MARCHF8: variants seen among roughly 807,000 people sequenced by gnomAD.
MARCHF8 encodes the protein E3 ubiquitin-protein ligase MARCHF8.
MARCHF8 carries 40 observed loss-of-function variants against 51.6 expected under a neutral mutation model. That is an observed-to-expected ratio of 0.77 (90% CI 0.60 to 1.01). MARCHF8 has a LOEUF of 1.01. MARCHF8 is among the 50% of genes least tolerant of loss of function. MARCHF8 has a pLI of 0.00. For synonymous variants in MARCHF8, 263 were observed against 280.3 expected (o/e 0.94, Z 0.62); for missense variants, 685 against 708.6 (o/e 0.97, Z 0.38).
intron 3 of MARCHF8, among the ~76,000 whole-genome samples, chr10:45,479,632 CTT>C (rs1180586933): frequency 6.6e-6 from 1 of 152,172 alleles, no homozygotes; most frequent in Non-Finnish European, 1.5e-5. Flanking sequence ...AGGGAAGCCC[CTT>C]TCACTTGGTT....
chr10:45,589,580 C>T (rs1589198824), intron 1 of MARCHF8, among the ~76,000 whole-genome samples: 1 of 152,286 alleles, frequency 6.6e-6, no homozygotes, highest in Non-Finnish European at 1.5e-5. Flanking sequence ...CACCCCCTAC[C>T]CCAACACCAG....
upstream of MARCHF8, among the ~76,000 whole-genome samples, chr10:45,538,405 C>A (rs901382588): frequency 6.6e-6 from 1 of 152,210 alleles, no homozygotes; most frequent in Non-Finnish European, 1.5e-5. Context: ...GAAACTACAT[C>A]AACTAACGTG....
upstream of MARCHF8, among the ~76,000 whole-genome samples, chr10:45,538,236 G>A (rs2044001698): frequency 6.6e-6 from 1 of 152,162 alleles, no homozygotes; most frequent in Non-Finnish European, 1.5e-5. Flanking sequence ...AAGTGAAGGA[G>A]AAATAAAATC....
chr10:45,552,257 T>C (rs535114996), intron 1 of MARCHF8, among the ~76,000 whole-genome samples: 2 of 151,902 alleles, frequency 1.3e-5, no homozygotes, highest in Non-Finnish European at 2.9e-5. Flanking sequence ...GTGGTTAATG[T>C]CTATTAAAAA....
intron 2 of MARCHF8, among the ~76,000 whole-genome samples, chr10:45,507,857 G>A (rs887001824): frequency 6.6e-6 from 1 of 150,860 alleles, no homozygotes; most frequent in Admixed American, 6.6e-5. Context: ...AGTTCCTGTA[G>A]TATCAAATAT....
chr10:45,586,303 A>C (rs1377674422), intron 1 of MARCHF8, among the ~76,000 whole-genome samples: 1 of 152,080 alleles, frequency 6.6e-6, no homozygotes, highest in East Asian at 1.9e-4. Flanking sequence ...CATCAATCAA[A>C]TCATACAGAA....
chr10:45,459,090 T>C (rs759577311), intron 7 of MARCHF8, 30 bp downstream of exon 7: 4 of 1,613,216 alleles, frequency 2.5e-6, no homozygotes, highest in South Asian at 2.2e-5. Context: ...CCGGCCCCCA[T>C]GCTGAGCTTG....
rs144922422 is a variant in MARCHF8 at position 45,555,447 on chromosome 10, C to T, written c.-78-22158G>A. Among the ~76,000 whole-genome samples, 685 of 152,028 alleles carry T rather than the reference C, an allele frequency of 4.5e-3. 3 individuals carry two copies. The highest frequency in any genetic ancestry group is 7.4e-3 in the Non-Finnish European group (500 of 67,950). ...AAGAAATCATCAAACATATTAAATT[C>T]ACATGCTGGCTGGGCGTGATGGCTC... On this transcript the variant is annotated intron_variant, in intron 1 of 6. Coordinates refer to the MARCHF8 transcript ENST00000319836.
At chr10:45,511,774 G>A (rs2043512844) in intron 2 of MARCHF8, among the ~76,000 whole-genome samples, 1 of 152,096 alleles carries the variant, frequency 6.6e-6, no homozygotes, top group Non-Finnish European at 1.5e-5. Flanking sequence ...CCACCTCCCA[G>A]CCGCCTGCCT....
intron 1 of MARCHF8, among the ~76,000 whole-genome samples, chr10:45,591,193 A>G (rs2044676746): frequency 6.6e-6 from 1 of 152,218 alleles, no homozygotes; most frequent in African/African-American, 2.4e-5. Flanking sequence ...GCCTGCACCC[A>G]GGTGAAACAG....
chr10:45,463,489 C>T lies in MARCHF8; in HGVS notation c.750G>A (p.Glu250=). 6.4e-7 allele frequency: 1 copy of T among 1,550,648 alleles called. No individual in the cohort carries two copies. Among genetic ancestry groups the T allele is most frequent in the South Asian group, 1.2e-5 (1 of 84,064 alleles). Residue 250 remains glutamate (E), a synonymous_variant, in exon 5 of 8, where the codon GAG becomes GAA. Coordinates refer to ENST00000453424, the MANE Select transcript of MARCHF8 (RefSeq NM_001282866.2). ...GLLLEEKADG[E]ATSRSRQLLQ... ...GCAGTTGCCGGCTTCGGGACGTGGC[C>T]TCACCATCCGCCTTCTCTTCCAGCA...
intron 2 of MARCHF8, among the ~76,000 whole-genome samples, chr10:45,505,657 T>G (rs2043366128): frequency 1.3e-5 from 2 of 152,374 alleles, no homozygotes; most frequent in Admixed American, 6.5e-5. Flanking sequence ...TCAAACCACA[T>G]GGCTGTGAAA....
intron 2 of MARCHF8, among the ~76,000 whole-genome samples, chr10:45,512,309 G>A (rs901918941): frequency 1.3e-5 from 2 of 151,180 alleles, no homozygotes; most frequent in African/African-American, 4.9e-5. Flanking sequence ...GGGAAGTGAG[G>A]AGCGTCTCCG....
intron 1 of MARCHF8, among the ~76,000 whole-genome samples, chr10:45,569,071 AAAAAAAAAAAAAAAATTGC>A (rs1320494528): frequency 6.6e-6 from 1 of 150,950 alleles, no homozygotes; most frequent in South Asian, 2.1e-4. Flanking sequence ...TCTCAAAAAA[AAAAAAAAAAAAAAAATTGC>A]AAAAAAAAAC....
chr10:45,465,831 T>C (rs1842947441), intron 3 of MARCHF8, among the ~76,000 whole-genome samples: 1 of 152,246 alleles, frequency 6.6e-6, no homozygotes, highest in South Asian at 2.1e-4. Context: ...AATGTGCATA[T>C]GGGCATGAGG....
intron 5 of MARCHF8, 140 bp downstream of exon 5, chr10:45,463,011 T>C (rs1354216185): frequency 1.8e-6 from 2 of 1,102,186 alleles, no homozygotes; most frequent in Non-Finnish European, 2.5e-6. Flanking sequence ...TGATACTCCA[T>C]TCTTCTGGAG....
chr10:45,486,756 G>A (rs1432475552), intron 3 of MARCHF8, among the ~76,000 whole-genome samples: 4 of 147,780 alleles, frequency 2.7e-5, no homozygotes, highest in Admixed American at 2.7e-4. Flanking sequence ...CCATGCAAAT[G>A]TTAATCCCAA....
chr10:45,581,403 G>A (rs141118616), intron 1 of MARCHF8, among the ~76,000 whole-genome samples: 92 of 152,264 alleles, frequency 6.0e-4, no homozygotes, highest in Middle Eastern at 6.8e-3. Flanking sequence ...AGTGGTTAGA[G>A]GAGACCTGAG....
At chr10:45,511,966 C>T (rs919154289) in intron 2 of MARCHF8, among the ~76,000 whole-genome samples, 5 of 151,112 alleles carry the variant, frequency 3.3e-5, no homozygotes, top group South Asian at 4.2e-4. Flanking sequence ...AAGTGAGGAG[C>T]GTCTCTGCCC....
Sources: allele counts gnomAD v4.1 joint callset (sites outside exome capture counted in the v4.1 genomes callset), GRCh38; gene constraint gnomAD v4.1.1; transcripts MANE v1.5; gene names NCBI Gene and HGNC (gene_info 2026-07-23, HGNC 2026-07-21).